Variants in REPS2 observed in about 807,000 individuals in gnomAD.
REPS2 encodes RALBP1 associated Eps domain containing 2.
REPS2 carries 23 observed loss-of-function variants against 53.6 expected under a neutral mutation model. The ratio of observed to expected loss-of-function variants is 0.43; its 90% CI spans 0.31 to 0.61. The LOEUF (loss-of-function observed/expected upper bound fraction) is 0.61, where lower values mean the gene tolerates loss of function less well. Among genes scored for constraint, REPS2 ranks in the 20% least tolerant of loss-of-function variants. The probability of loss-of-function intolerance (pLI) is 0.11; values close to 1 mark genes in which losing one functional copy is unlikely to be tolerated. For synonymous variants in REPS2, 238 were observed against 218.6 expected, an observed-to-expected ratio of 1.09 and a Z score of -0.78; for missense variants, 446 against 534.9, an observed-to-expected ratio of 0.83 and a Z score of 1.64.
At chrX:17,167,257 G>C in the REPS2 span, among the ~76,000 whole-genome samples, 2 of 111,934 alleles carry the variant, frequency 1.8e-5, no homozygotes, top group Non-Finnish European at 3.8e-5. Flanking sequence ...GGATTATGAG[G>C]GAGCACTAAC....
chrX:17,173,516 A>G, the REPS2 span, among the ~76,000 whole-genome samples: 2 of 112,014 alleles, frequency 1.8e-5, no homozygotes, highest in South Asian at 7.5e-4. Context: ...TCTAACCACA[A>G]GAGTGACACC....
chrX:17,030,764 G>A (rs752938720), intron 5 of REPS2, among the ~76,000 whole-genome samples: 6 of 112,358 alleles, frequency 5.3e-5, no homozygotes, highest in Admixed American at 1.9e-4. Flanking sequence ...AGGTCAAATA[G>A]CTGGTTTAAG....
chrX:16,980,161 T>C (rs969586473), intron 1 of REPS2, among the ~76,000 whole-genome samples: 3 of 107,367 alleles, frequency 2.8e-5, no homozygotes, highest in African/African-American at 1.0e-4. Flanking sequence ...CAGGCTGGAG[T>C]GCAGTGGTGT....
chrX:17,013,162 C>G (rs764184731), intron 2 of REPS2, among the ~76,000 whole-genome samples: 1 of 112,251 alleles, frequency 8.9e-6, no homozygotes, highest in East Asian at 2.8e-4. Context: ...TGCTGCTCAA[C>G]ACCCTACACT....
intron 16 of REPS2, chrX:17,137,992 A>G (rs2063394107): frequency 8.9e-6 from 1 of 112,446 alleles, no homozygotes; most frequent in East Asian, 2.8e-4. Context: ...TCTCCCAGTA[A>G]TGGCACATAT....
intron 1 of REPS2, among the ~76,000 whole-genome samples, chrX:16,978,051 G>A (rs1003192232): frequency 8.9e-6 from 1 of 111,763 alleles, no homozygotes; most frequent in African/African-American, 3.3e-5. Context: ...TGGTTCCTGG[G>A]TAGTTACTCT....
At chrX:17,119,868 C>CTTTTTTTTTTTT (rs35141257) in intron 14 of REPS2, among the ~76,000 whole-genome samples, 2 of 40,516 alleles carry the variant, frequency 4.9e-5, no homozygotes, top group African/African-American at 2.4e-4. Context: ...CGCACTGTGA[C>CTTTTTTTTTTTT]TTTTTTTTTT....
chrX:17,155,358 T>G (rs112165002), downstream of REPS2, among the ~76,000 whole-genome samples: 2,776 of 111,389 alleles, frequency 0.025, 93 homozygotes, highest in African/African-American at 0.087. Flanking sequence ...ATGGATTAAT[T>G]CATTCATGAG....
At chrX:16,977,442 C>T (rs1455668410) in intron 1 of REPS2, among the ~76,000 whole-genome samples, 3 of 110,739 alleles carry the variant, frequency 2.7e-5, no homozygotes, top group Admixed American at 1.9e-4. Flanking sequence ...TGGCTGGATG[C>T]GATCACTCAC....
chrX:17,124,918 C>T (rs1356384342), intron 14 of REPS2, among the ~76,000 whole-genome samples: 1 of 102,080 alleles, frequency 9.8e-6, no homozygotes, highest in Admixed American at 1.1e-4. Context: ...ATGTGGAGTG[C>T]AGTAGCGAGA....
At chrX:16,974,293 G>T (rs2147704948) in intron 1 of REPS2, among the ~76,000 whole-genome samples, 1 of 110,856 alleles carries the variant, frequency 9.0e-6, no homozygotes, top group Non-Finnish European at 1.9e-5. Flanking sequence ...GCCTTTCTTT[G>T]TCTTTCATGA....
At chrX:17,122,290 A>T (rs975042834) in intron 14 of REPS2, among the ~76,000 whole-genome samples, 1 of 111,919 alleles carries the variant, frequency 8.9e-6, no homozygotes, top group Non-Finnish European at 1.9e-5. Context: ...GTTCTACTTT[A>T]TATAAGTGGA....
intron 1 of REPS2, among the ~76,000 whole-genome samples, chrX:16,968,998 C>T (rs1437537751): frequency 2.7e-5 from 3 of 110,225 alleles, no homozygotes; most frequent in Non-Finnish European, 5.7e-5. Context: ...AGGGGCTCCT[C>T]ACTTTTCAGA....
chrX:17,054,002 C>T (rs759057059), intron 7 of REPS2, among the ~76,000 whole-genome samples: 5 of 112,364 alleles, frequency 4.4e-5, no homozygotes, highest in Non-Finnish European at 7.5e-5. Flanking sequence ...CTTGTCCTAA[C>T]ACAAGTACAC....
intron 11 of REPS2, 98 bp downstream of exon 11, chrX:17,070,091 TG>T: frequency 2.6e-6 from 1 of 383,305 alleles, no homozygotes; most frequent in Non-Finnish European, 4.3e-6. Flanking sequence ...TGTGATAGTG[TG>T]TCTGTTTCTC....
At chrX:17,078,796 A>C (rs1377098357) in intron 13 of REPS2, among the ~76,000 whole-genome samples, 2 of 112,272 alleles carry the variant, frequency 1.8e-5, no homozygotes, top group Non-Finnish European at 3.8e-5. Context: ...TTTTTACGAC[A>C]CTGCATCACA....
the REPS2 span, among the ~76,000 whole-genome samples, chrX:17,190,919 G>A: frequency 1.8e-5 from 2 of 111,313 alleles, no homozygotes; most frequent in African/African-American, 3.3e-5. Flanking sequence ...ATCCATATGC[G>A]AAAAGATGAA....
chrX:17,025,142 T>C lies in REPS2; in HGVS notation c.630T>C (p.His210=), dbSNP rs2061627248. 3 of 1,210,169 alleles carry C rather than the reference T, an allele frequency of 2.5e-6. No homozygotes were observed. The highest frequency in any genetic ancestry group is 2.2e-5 in the Admixed American group (1 of 45,743). The change falls in exon 4 of 18, where the codon CAT becomes CAC. Residue 210 remains histidine (H), a synonymous_variant. Coordinates refer to ENST00000357277, the MANE Select transcript of REPS2 (RefSeq NM_004726.3). ...PPHYQRVPLS[H]GYSKLRSSAE... is the part of the protein sequence containing the mutation. Reference sequence around the variant, plus strand: ...ATTACCAGAGGGTGCCCTTGAGCCATGGCTACAGCAAACTGCGGAGCAGCG... The same window carrying C: ...ATTACCAGAGGGTGCCCTTGAGCCACGGCTACAGCAAACTGCGGAGCAGCG...
intron 5 of REPS2, among the ~76,000 whole-genome samples, chrX:17,035,927 A>T (rs1372571606): frequency 8.9e-6 from 1 of 112,137 alleles, no homozygotes; most frequent in Non-Finnish European, 1.9e-5. Context: ...TTTAGCACTA[A>T]CAATAAGCTT....
Sources: allele counts gnomAD v4.1 joint callset (sites outside exome capture counted in the v4.1 genomes callset), GRCh38; gene constraint gnomAD v4.1.1; transcripts MANE v1.5; gene names NCBI Gene and HGNC (gene_info 2026-07-23, HGNC 2026-07-21).